TANGO6: variants seen among roughly 807,000 people sequenced by gnomAD.
TANGO6 encodes transport and Golgi organization protein 6 homolog.
A neutral mutation model predicts 114.2 loss-of-function variants in TANGO6; 90 were observed. The observed-to-expected ratio is 0.79, with a 90% CI of 0.66 to 0.94. The LOEUF is 0.94. TANGO6 is among the 40% of genes least tolerant of loss of function. The probability of loss-of-function intolerance (pLI) is 0.00; values close to 1 mark genes in which losing one functional copy is unlikely to be tolerated. For missense variants in TANGO6, 1,274 were observed against 1,315.3 expected (o/e 0.97, Z 0.49); for synonymous variants, 477 against 509.8 (o/e 0.94, Z 0.87).
intron 7 of TANGO6, among the ~76,000 whole-genome samples, chr16:68,892,236 G>A (rs916074035): frequency 2.0e-5 from 3 of 152,296 alleles, no homozygotes; most frequent in East Asian, 1.9e-4. Flanking sequence ...TCATCCTATC[G>A]CTTATTGCAG....
intron 14 of TANGO6, among the ~76,000 whole-genome samples, chr16:68,940,224 T>G (rs1045869787): frequency 2.0e-5 from 3 of 151,852 alleles, no homozygotes; most frequent in African/African-American, 4.8e-5. Context: ...GTTTCTTTTT[T>G]CTTTTCTTTT....
intron 15 of TANGO6, among the ~76,000 whole-genome samples, chr16:69,012,075 TA>T (rs538262075): frequency 1.4e-3 from 217 of 152,300 alleles, no homozygotes; most frequent in African/African-American, 4.6e-3. Context: ...TGCTTCTCAA[TA>T]AGGTTGATTG....
At chr16:68,977,420 G>GT (rs1567551891) in intron 15 of TANGO6, among the ~76,000 whole-genome samples, 1 of 150,910 alleles carries the variant, frequency 6.6e-6, no homozygotes, top group Non-Finnish European at 1.5e-5. Context: ...TTAGCCAGGC[G>GT]TGGTGGCTCA....
chr16:69,004,895 A>G (rs1459800531), intron 15 of TANGO6, among the ~76,000 whole-genome samples: 1 of 152,226 alleles, frequency 6.6e-6, no homozygotes, highest in South Asian at 2.1e-4. Context: ...TGACAAGACA[A>G]GAAAATGCTG....
chr16:69,044,765 C>G (rs948135793), intron 17 of TANGO6, among the ~76,000 whole-genome samples: 3 of 152,150 alleles, frequency 2.0e-5, no homozygotes, highest in African/African-American at 7.2e-5. Context: ...TGCCCGTAGT[C>G]TCAGATACTT....
intron 12 of TANGO6, among the ~76,000 whole-genome samples, chr16:68,923,011 G>A (rs112908062): frequency 9.5e-5 from 13 of 137,090 alleles, no homozygotes; most frequent in African/African-American, 3.0e-4. Context: ...GCAATGGCAC[G>A]ATCTCGGCTC....
chr16:68,960,982 T>C (rs1265724917), intron 14 of TANGO6, among the ~76,000 whole-genome samples: 1 of 152,234 alleles, frequency 6.6e-6, no homozygotes, highest in East Asian at 1.9e-4. Flanking sequence ...ATCCCTAATG[T>C]TGGCAGCACC....
At chr16:69,057,512 C>T (rs1192090068) in intron 17 of TANGO6, among the ~76,000 whole-genome samples, 1 of 152,100 alleles carries the variant, frequency 6.6e-6, no homozygotes, top group Non-Finnish European at 1.5e-5. Context: ...GTAACTTGTT[C>T]AACAACTATT....
intron 14 of TANGO6, among the ~76,000 whole-genome samples, chr16:68,964,606 G>A (rs1044485297): frequency 1.2e-4 from 16 of 134,368 alleles, no homozygotes; most frequent in East Asian, 4.3e-4. Context: ...TCGCTCTGTC[G>A]CCTAGGCTGG....
chr16:69,065,184 C>T (rs766770554), intron 17 of TANGO6, among the ~76,000 whole-genome samples: 9 of 152,184 alleles, frequency 5.9e-5, no homozygotes, highest in Non-Finnish European at 1.0e-4. Context: ...ATTTTGCCAC[C>T]GCTGCTCCTG....
In TANGO6 at chr16:68,907,545, G is replaced by A; in HGVS notation, c.1770G>A (p.Leu590=). ...TGTCCCACTGCCAGGAATGCGGTTT[G>A]GCAGGAGACTTCTTCATCTTCTGTT... ...DLLSHCQECG[L]AGDFFIFCLK... The change falls in exon 10 of 18, where the codon TTG becomes TTA. Residue 590 remains leucine, a synonymous_variant. Transcript: ENST00000261778. The A allele has an allele frequency of 1.2e-6, 2 of 1,613,626 alleles. No individual in the cohort carries two copies. Among genetic ancestry groups the A allele is most frequent in the Non-Finnish European group, 1.7e-6 (2 of 1,179,782 alleles).
Position 69,040,361 on chromosome 16 carries a change from C to G in TANGO6, c.3048C>G (p.Arg1016=), listed in dbSNP as rs1223971434. ...AAACAGATGGTGAAGTTCAAGTACG[C>G]AGAGCTGCCATACATGTGGTTGTGC... The part of the protein sequence containing the change: ...VAKTDGEVQV[R]RAAIHVVVLL... Residue 1016 remains arginine, a synonymous_variant, in exon 17 of 18, where the codon CGC becomes CGG. Transcript: ENST00000261778. 1 of 1,609,384 alleles carries G rather than the reference C, an allele frequency of 6.2e-7. No homozygotes were observed. Among genetic ancestry groups the G allele is most frequent in the African/African-American group, 1.3e-5 (1 of 74,880 alleles).
chr16:68,998,430 G>A (rs1567555842), intron 15 of TANGO6, among the ~76,000 whole-genome samples: 5 of 152,092 alleles, frequency 3.3e-5, no homozygotes, highest in Admixed American at 3.3e-4. Context: ...ACAAATCATG[G>A]TAGAACCAGT....
chr16:68,875,839 C>T (rs190583382), intron 5 of TANGO6, among the ~76,000 whole-genome samples: 6 of 151,326 alleles, frequency 4.0e-5, no homozygotes, highest in Admixed American at 2.6e-4. Context: ...AGCTAGAATA[C>T]GAAACTCAAG....
At chr16:68,859,057 T>C (rs967566757) in intron 1 of TANGO6, among the ~76,000 whole-genome samples, 1 of 152,210 alleles carries the variant, frequency 6.6e-6, no homozygotes, top group Non-Finnish European at 1.5e-5. Context: ...ATACATATTC[T>C]GGGGGGAAAC....
At chr16:68,875,316 A>G in intron 5 of TANGO6, 26 bp downstream of exon 5, 1 of 1,604,368 alleles carries the variant, frequency 6.2e-7, no homozygotes, top group Non-Finnish European at 8.5e-7. Flanking sequence ...TCTATTGATC[A>G]TTTGAGGATT....
intron 17 of TANGO6, among the ~76,000 whole-genome samples, chr16:69,057,181 C>CA (rs1960046544): frequency 6.6e-6 from 1 of 151,440 alleles, no homozygotes; most frequent in Admixed American, 6.6e-5. Context: ...GCCTGATTTT[C>CA]AAAAATGGTA....
chr16:68,859,924 C>G lies in TANGO6; in HGVS notation c.135C>G (p.Val45=). 6.2e-7 allele frequency: 1 copy of G among 1,603,410 alleles called. No individual in the cohort carries two copies. Among genetic ancestry groups the G allele is most frequent in the Non-Finnish European group, 8.5e-7 (1 of 1,174,002 alleles). Residue 45 remains valine, a synonymous_variant, in exon 2 of 18, where the codon GTC becomes GTG. Coordinates refer to ENST00000261778, the MANE Select transcript of TANGO6 (RefSeq NM_024562.2). ...SSSLQVTKHD[V]LLATLKSNLS... ...CACTACAGGTCACAAAACATGATGT[C>G]TTGTTGGCTACTTTAAAATCTAACC... is the stretch of plus-strand genomic sequence containing the variant.
intron 1 of TANGO6, chr16:68,846,946 A>T (rs1255425984): frequency 6.6e-6 from 1 of 150,532 alleles, no homozygotes; most frequent in Non-Finnish European, 1.5e-5. Flanking sequence ...GATGGAATGC[A>T]GTGGCGTGAT....
Sources: gnomAD v4.1 joint callset for allele counts (sites outside exome capture counted in the v4.1 genomes callset) on GRCh38, gnomAD v4.1.1 for gene constraint, MANE v1.5 for transcripts, NCBI Gene and HGNC (gene_info 2026-07-23, HGNC 2026-07-21) for gene names.